CSMD1: variants seen among roughly 807,000 people sequenced by gnomAD.
The protein encoded by CSMD1 is CUB and sushi domain-containing protein 1.
Under a neutral mutation model 417.5 loss-of-function variants are expected in CSMD1, and 213 were observed. The observed-to-expected ratio is 0.51, with a 90% CI of 0.46 to 0.57. The LOEUF (loss-of-function observed/expected upper bound fraction) is 0.57. Ranked by LOEUF, CSMD1 falls within the 20% of genes least tolerant of loss-of-function variation. CSMD1 has a pLI of 0.00. For missense variants in CSMD1, 6,923 were observed against 4,529.7 expected, an observed-to-expected ratio of 1.53 and a Z score of -15.17; for synonymous variants, 2,862 against 1,736.8, an observed-to-expected ratio of 1.65 and a Z score of -16.11.
chr8:4,716,240 T>C (rs1027329136), intron 1 of CSMD1, among the ~76,000 whole-genome samples: 5 of 152,144 alleles, frequency 3.3e-5, no homozygotes, highest in African/African-American at 1.2e-4. Context: ...CTGCCAAGAA[T>C]CCTTACACTT....
At chr8:3,133,233 A>G (rs1033626107) in intron 41 of CSMD1, among the ~76,000 whole-genome samples, 11 of 151,778 alleles carry the variant, frequency 7.2e-5, no homozygotes, top group Middle Eastern at 3.4e-3. Context: ...TGCTGTCCCA[A>G]TGGGGCCCCT....
At chr8:3,256,448 T>G (rs897321685) in intron 26 of CSMD1, among the ~76,000 whole-genome samples, 3 of 152,194 alleles carry the variant, frequency 2.0e-5, no homozygotes, top group Admixed American at 2.0e-4. Flanking sequence ...CATTGTCCCC[T>G]TCTCCTAACT....
intron 2 of CSMD1, among the ~76,000 whole-genome samples, chr8:4,452,562 T>C (rs1294128889): frequency 2.6e-5 from 4 of 152,224 alleles, no homozygotes; most frequent in Admixed American, 1.3e-4. Context: ...TCCAATCATT[T>C]TTATCAAGAA....
At chr8:3,268,635 C>G (rs13254650) in intron 26 of CSMD1, among the ~76,000 whole-genome samples, 37,675 of 151,902 alleles carry the variant, frequency 0.25, 4,833 homozygotes, top group South Asian at 0.31. Flanking sequence ...TTTTTGTGTT[C>G]TCATTACTGA....
In CSMD1 at chr8:2,962,468, A is replaced by G. The variant is rs1455688539; in HGVS notation, c.9626T>C (p.Ile3209Thr). 4.3e-6 allele frequency: 7 copies of G among 1,612,710 alleles called. No individual in the cohort carries two copies. Among genetic ancestry groups the G allele is most frequent in the Non-Finnish European group, 5.1e-6 (6 of 1,179,044 alleles). Reference sequence around the variant, plus strand: ...CAGAGCTGTATGATAATTATTACCAATGCAGGTGGGTTGTATGCCGCTCCA... The same window carrying G: ...CAGAGCTGTATGATAATTATTACCAGTGCAGGTGGGTTGTATGCCGCTCCA... ...GTWSGIQPTC[I>T]DPAHNTCPDP... Residue 3209 changes from isoleucine (I) to threonine (T), a missense_variant and splice_region_variant, in exon 61 of 70, where the codon ATT becomes ACT. Coordinates refer to ENST00000635120, the MANE Select transcript of CSMD1 (RefSeq NM_033225.6).
At chr8:4,834,129 G>T (rs1309924604) in intron 1 of CSMD1, among the ~76,000 whole-genome samples, 1 of 152,184 alleles carries the variant, frequency 6.6e-6, no homozygotes, top group Admixed American at 6.5e-5. Flanking sequence ...ATAATTGAAA[G>T]TTTTTAAACA....
intron 2 of CSMD1, among the ~76,000 whole-genome samples, chr8:4,446,640 G>C (rs1798807185): frequency 6.6e-6 from 1 of 152,108 alleles, no homozygotes; most frequent in Non-Finnish European, 1.5e-5. Flanking sequence ...TGCAAACTCT[G>C]CCTCCTAGAT....
chr8:3,513,310 A>G (rs1339092511), intron 10 of CSMD1, among the ~76,000 whole-genome samples: 1 of 151,512 alleles, frequency 6.6e-6, no homozygotes, highest in Non-Finnish European at 1.5e-5. Flanking sequence ...ATCCATAGGT[A>G]AGTCCTGGCT....
chr8:3,284,686 G>C (rs1803013954), intron 25 of CSMD1: 8 of 259,716 alleles, frequency 3.1e-5, no homozygotes, highest in South Asian at 2.9e-4. Flanking sequence ...CCAAATATAA[G>C]CTTGGCATTG....
At chr8:4,597,268 T>A (rs1412402053) in intron 2 of CSMD1, among the ~76,000 whole-genome samples, 3 of 152,222 alleles carry the variant, frequency 2.0e-5, no homozygotes, top group Non-Finnish European at 4.4e-5. Context: ...CTTTGATTTC[T>A]AATTTGAGAA....
intron 3 of CSMD1, among the ~76,000 whole-genome samples, chr8:4,184,412 G>C (rs1042638944): frequency 6.6e-6 from 1 of 152,100 alleles, no homozygotes; most frequent in African/African-American, 2.4e-5. Flanking sequence ...GAGCATATGA[G>C]GATGTTCCTT....
At chr8:4,941,454 G>A (rs11786777) in intron 1 of CSMD1, among the ~76,000 whole-genome samples, 77,817 of 151,900 alleles carry the variant, frequency 0.51, 21,172 homozygotes, top group East Asian at 0.79. Flanking sequence ...TGTACAACAA[G>A]TGTGCCACAA....
At chr8:4,396,053 T>C (rs1365792532) in intron 3 of CSMD1, among the ~76,000 whole-genome samples, 1 of 152,216 alleles carries the variant, frequency 6.6e-6, no homozygotes, top group African/African-American at 2.4e-5. Flanking sequence ...AGCTATAATG[T>C]TGGCATGCAT....
chr8:4,619,308 C>T (rs55694307), intron 2 of CSMD1, among the ~76,000 whole-genome samples: 7 of 152,134 alleles, frequency 4.6e-5, no homozygotes, highest in Admixed American at 2.6e-4. Flanking sequence ...GCAATATAGC[C>T]TTCTCCAAAT....
Position 3,457,395 on chromosome 8 carries a change from A to G in CSMD1, c.1561+11317T>C, listed in dbSNP as rs144436752. 2.4e-4 allele frequency among the ~76,000 whole-genome samples: 37 copies of G among 152,310 alleles called. No homozygotes were observed. The East Asian group carries it at 6.4e-3, about 26-fold the overall frequency. On this transcript the variant is annotated intron_variant, in intron 12 of 69. Transcript: ENST00000635120. ...CTCATTCTCAGTCTCAGATGGCACA[A>G]ACTTTCTTTCTGCTCACTCCCTTTC...
rs547405252 is a variant in CSMD1, at chr8:4,304,832, C to G, written c.415+115121G>C. Among the ~76,000 whole-genome samples the G allele has an allele frequency of 3.2e-3, 491 of 152,300 alleles. 4 individuals are homozygous for G. Among genetic ancestry groups the G allele is most frequent in the African/African-American group, 0.011 (462 of 41,570 alleles). On this transcript the variant is annotated intron_variant, in intron 3 of 69. Coordinates refer to ENST00000635120, the MANE Select transcript of CSMD1 (RefSeq NM_033225.6). ...GCAGGTCATTCAGAAAACCACTGAACTTTTGTCTTGAGACCCTATTTCACC... is the reference window on the plus strand; with the variant it reads ...GCAGGTCATTCAGAAAACCACTGAAGTTTTGTCTTGAGACCCTATTTCACC...
At chr8:4,205,457 A>T (rs1052389290) in intron 3 of CSMD1, among the ~76,000 whole-genome samples, 2 of 152,250 alleles carry the variant, frequency 1.3e-5, no homozygotes, top group East Asian at 3.8e-4. Context: ...GCCCATTTAT[A>T]TACTTACAAA....
At chr8:4,041,278 A>G (rs577948689) in intron 3 of CSMD1, among the ~76,000 whole-genome samples, 1 of 140,022 alleles carries the variant, frequency 7.1e-6, no homozygotes, top group Non-Finnish European at 1.6e-5. Flanking sequence ...CGGCCTCCCA[A>G]AGTACGGGGA....
chr8:3,352,453 A>C (rs1252858579), intron 21 of CSMD1, among the ~76,000 whole-genome samples: 5 of 152,234 alleles, frequency 3.3e-5, no homozygotes. Flanking sequence ...AGGAAAAATA[A>C]GTTGTAATAA....
Sources: gnomAD v4.1 joint callset for allele counts (sites outside exome capture counted in the v4.1 genomes callset) on GRCh38, gnomAD v4.1.1 for gene constraint, MANE v1.5 for transcripts, NCBI Gene and HGNC (gene_info 2026-07-23, HGNC 2026-07-21) for gene names.